Variants in MUC5B observed in about 807,000 individuals in gnomAD.
The protein encoded by MUC5B is mucin 5B, oligomeric mucus/gel-forming, also known as mucin-5B.
In MUC5B, 116 loss-of-function variants were observed where a neutral mutation model predicts 376.9. The observed-to-expected ratio is 0.31, with a 90% CI of 0.26 to 0.36. The LOEUF is 0.36. MUC5B is among the 10% of genes least tolerant of loss of function. The pLI, the probability that MUC5B is intolerant of heterozygous loss-of-function variation, is 1.00. For missense variants in MUC5B, 7,165 were observed against 7,769.9 expected (o/e 0.92, Z 2.93); for synonymous variants, 3,517 against 3,390.9 (o/e 1.04, Z -1.29).
chr11:1,231,757 A>G (rs367766278), intron 14 of MUC5B, among the ~76,000 whole-genome samples, 197 bp downstream of exon 14: 9 of 152,304 alleles, frequency 5.9e-5, no homozygotes, highest in African/African-American at 2.2e-4. Context: ...AGCTGGGAGG[A>G]TGGAGCGGGC....
At chr11:1,254,406 C>G in intron 34 of MUC5B, 55 bp downstream of exon 34, 1 of 1,582,118 alleles carries the variant, frequency 6.3e-7, no homozygotes. Flanking sequence ...CGCACCTGGG[C>G]AGGCCGACTG....
Position 1,246,681 on chromosome 11 carries a change from C to G in MUC5B, c.9801C>G (p.Pro3267=). The G allele has an allele frequency of 6.2e-7, 1 of 1,610,196 alleles. No individual in the cohort carries two copies. The highest frequency in any genetic ancestry group is 8.5e-7 in the Non-Finnish European group (1 of 1,177,194). The part of the protein sequence containing the change: ...TPTATMSTAT[P]SSTPETVHTS... ...CGGCCACCATGTCCACAGCCACACC[C>G]TCCTCTACTCCAGAGACTGTCCACA... The change falls in exon 31 of 49, where the codon CCC becomes CCG. Residue 3267 remains proline, a synonymous_variant. Transcript: ENST00000529681.
At chr11:1,230,360 G>A (rs1441404151) in intron 11 of MUC5B, 130 bp from the exon 12 acceptor site, 6 of 1,096,994 alleles carry the variant, frequency 5.5e-6, no homozygotes, top group Non-Finnish European at 6.5e-6. Context: ...CTGCTGGGAG[G>A]TGACCAGAGG....
intron 26 of MUC5B, 200 bp from the exon 27 acceptor site, chr11:1,239,238 T>C (rs986354124): frequency 1.1e-6 from 1 of 898,644 alleles, no homozygotes. Context: ...AGACAGCTCC[T>C]AGGGGACAAG....
chr11:1,251,591 G>A lies in MUC5B; in HGVS notation c.14711G>A (p.Arg4904His), dbSNP rs56353324. 1,089 of 1,612,580 alleles carry A rather than the reference G, an allele frequency of 6.8e-4. No homozygotes were observed. The highest frequency in any genetic ancestry group is 8.1e-4 in the Non-Finnish European group (955 of 1,179,620). ...VPSSSTVGTT[R>H]TPAVLPSSLP... ...AGCTCGTCCACCGTGGGGACCACCC[G>A]CACCCCTGCAGTGCTCCCCAGCAGC... Residue 4904 changes from arginine to histidine, a missense_variant, in exon 31 of 49, where the codon CGC becomes CAC. By Grantham distance (29) the Arg-to-His change is conservative. Transcript: ENST00000529681.
chr11:1,228,821 A>T (rs1590168699), intron 8 of MUC5B, 56 bp downstream of exon 8: 1 of 584,694 alleles, frequency 1.7e-6, no homozygotes, highest in Non-Finnish European at 2.2e-6. Context: ...GGGCAGGGGG[A>T]GCGCCTTGGG....
rs371116616 is a variant in MUC5B at position 1,236,369 on chromosome 11, G to A, written c.2881-17G>A. ...GGCCACAGGGTCGGCTTCCGGCAGCGTCTGCCTCCCCTGCAGAGCTACGAG... is the reference window on the plus strand; with the variant it reads ...GGCCACAGGGTCGGCTTCCGGCAGCATCTGCCTCCCCTGCAGAGCTACGAG... On this transcript the variant is annotated splice_polypyrimidine_tract_variant and intron_variant, in intron 23 of 48. Coordinates refer to ENST00000529681, the MANE Select transcript of MUC5B (RefSeq NM_002458.3). 7.8e-5 allele frequency: 125 copies of A among 1,593,560 alleles called. No individual in the cohort carries two copies. Among genetic ancestry groups the A allele is most frequent in the Admixed American group, 2.4e-4 (14 of 59,174 alleles).
rs56349170 is a variant in MUC5B at position 1,225,065 on chromosome 11, G to A, written c.71-616G>A. Among the ~76,000 whole-genome samples the A allele has an allele frequency of 2.6e-3, 402 of 152,280 alleles. 2 individuals are homozygous for A. Among genetic ancestry groups the A allele is most frequent in the Admixed American group, 5.1e-3 (78 of 15,304 alleles). ...CTTGCCCGGAGGCGGTGGTCAGCCT[G>A]GGGGACCTTGGGCGGCCATCCCAGT... is the stretch of plus-strand genomic sequence containing the variant. On this transcript the variant is annotated intron_variant, in intron 1 of 48. Transcript: ENST00000529681.
rs759341061 is a variant in MUC5B at position 1,257,703 on chromosome 11, G to A, written c.16443G>A (p.Thr5481=). ...PRAENPCCPE[T]VCVCNTTTCP... is the part of the protein sequence containing the mutation. ...CCGAGAACCCCTGCTGCCCCGAGAC[G>A]GTGTGCGGTAAGACGCTGCAGAGCA... Residue 5481 remains threonine, a synonymous_variant, in exon 41 of 49, where the codon ACG becomes ACA. Transcript: ENST00000529681. This position sits in a 1 kb window ranked among gnomAD's most constrained non-coding sequence, Gnocchi z 8.9. 9.6e-6 allele frequency: 15 copies of A among 1,554,634 alleles called. No individual in the cohort carries two copies. The highest frequency in any genetic ancestry group is 3.8e-5 in the Admixed American group (2 of 52,924).
chr11:1,254,623 A>G, intron 34 of MUC5B, 71 bp from the exon 35 acceptor site: 1 of 1,475,524 alleles, frequency 6.8e-7, no homozygotes, highest in Non-Finnish European at 9.2e-7. Flanking sequence ...GCAGAGCCCC[A>G]AAGAGAAGCC....
chr11:1,241,812 G>C lies in MUC5B; in HGVS notation c.4932G>C (p.Pro1644=). ...GCCCGGGGCTGACCAGGGCTCCCCC[G>C]GCCAGCACCACAGCAGTCCCCACCC... ...TSSPGLTRAP[P]ASTTAVPTLS... is the part of the protein sequence containing the mutation. The change falls in exon 31 of 49, where the codon CCG becomes CCC. Residue 1644 remains proline, a synonymous_variant. Transcript: ENST00000529681. The C allele has an allele frequency of 6.2e-7, 1 of 1,612,542 alleles. No individual in the cohort carries two copies. The highest frequency in any genetic ancestry group is 8.5e-7 in the Non-Finnish European group (1 of 1,179,352).
Position 1,257,232 on chromosome 11 carries a change from C to A in MUC5B, c.16238-8C>A, listed in dbSNP as rs753202153. On this transcript the variant is annotated splice_polypyrimidine_tract_variant and splice_region_variant and intron_variant, in intron 39 of 48. Coordinates refer to ENST00000529681, the MANE Select transcript of MUC5B (RefSeq NM_002458.3). This position sits in a 1 kb window ranked among gnomAD's most constrained non-coding sequence, Gnocchi z 8.9. Reference sequence around the variant, plus strand: ...ACCCTCCGTGATGCCATGCTGTTTTCTTTCCAGCCTGCGTGGGACCCGATG... The same window carrying A: ...ACCCTCCGTGATGCCATGCTGTTTTATTTCCAGCCTGCGTGGGACCCGATG... The A allele has an allele frequency of 1.3e-6, 1 of 779,788 alleles. No individual in the cohort carries two copies. Among genetic ancestry groups the A allele is most frequent in the Non-Finnish European group, 2.4e-6 (1 of 418,052 alleles). 48.3% of individuals were successfully genotyped at this position (779,788 alleles called of 1,614,324 possible).
intron 6 of MUC5B, 101 bp from the exon 7 acceptor site, chr11:1,227,574 C>A (rs1861917247): frequency 1.5e-6 from 1 of 676,058 alleles, no homozygotes; most frequent in African/African-American, 1.8e-5. Context: ...GGGCCCTAGG[C>A]AGGAGTGGGA....
intron 17 of MUC5B, 31 bp downstream of exon 17, chr11:1,232,801 C>A: frequency 6.4e-7 from 1 of 1,566,990 alleles, no homozygotes; most frequent in Non-Finnish European, 8.7e-7. Context: ...TGGGATGTGT[C>A]CACACCGCGT....
intron 25 of MUC5B, among the ~76,000 whole-genome samples, chr11:1,238,505 C>A (rs1862203001): frequency 6.6e-6 from 1 of 152,264 alleles, no homozygotes; most frequent in South Asian, 2.1e-4. Flanking sequence ...CTATGCTCCA[C>A]ATGGGTTTGA....
chr11:1,259,133 GC>G, intron 44 of MUC5B, 72 bp downstream of exon 44: 1 of 1,403,452 alleles, frequency 7.1e-7, no homozygotes, highest in Non-Finnish European at 9.6e-7. Context: ...CGAGGCACCT[GC>G]CCCCAGGTGA....
At chr11:1,225,629 G>T in intron 1 of MUC5B, 52 bp from the exon 2 acceptor site, 1 of 1,530,424 alleles carries the variant, frequency 6.5e-7, no homozygotes, top group Non-Finnish European at 8.9e-7. Flanking sequence ...TTGGGTTCGT[G>T]GCTGGCAGCC....
In MUC5B at chr11:1,243,005, C is replaced by G. The variant is rs776688432; in HGVS notation, c.6125C>G (p.Thr2042Ser). 6.3e-7 allele frequency: 1 copy of G among 1,595,216 alleles called. No individual in the cohort carries two copies. Among genetic ancestry groups the G allele is most frequent in the Non-Finnish European group, 8.6e-7 (1 of 1,166,446 alleles). The change falls in exon 31 of 49, where the codon ACC (threonine) becomes AGC (serine). Residue 2042 changes from threonine to serine, a missense_variant. Thr to Ser is a moderately conservative substitution (Grantham distance 58). Around this residue, in one of 31 missense-constraint regions of MUC5B, gnomAD observed 897 missense variants for 779.6 expected, o/e 1.15. Coordinates refer to ENST00000529681, the MANE Select transcript of MUC5B (RefSeq NM_002458.3). The stretch of plus-strand genomic sequence containing the variant: ...GGCTCTGTGGCCACCCCCTCCTCCA[C>G]CCCAGGAACAGCTCACACTACCAAA... Reference protein sequence around the residue: ...ATGSVATPSSTPGTAHTTKVP... With the variant: ...ATGSVATPSSSPGTAHTTKVP...
In MUC5B at chr11:1,229,236, AC is replaced by A; in HGVS notation, c.1048del (p.Gln350SerfsTer122). The A allele has an allele frequency of 6.3e-7, 1 of 1,596,996 alleles. No individual in the cohort carries two copies. The highest frequency in any genetic ancestry group is 1.1e-5 in the South Asian group (1 of 88,726). ...TCACCCTGCACGGACACCTGCTCCA[AC>A]CCCCAGCGCGCGCAGCTCTGCGAGG... ...CGSPCTDTCS[N>X]PQRAQLCEDH... On this transcript the variant is annotated frameshift_variant, in exon 9 of 49. Coordinates refer to ENST00000529681, the MANE Select transcript of MUC5B (RefSeq NM_002458.3). LOFTEE classifies it high-confidence loss of function.
Sources: allele counts gnomAD v4.1 joint callset (sites outside exome capture counted in the v4.1 genomes callset), GRCh38; gene constraint gnomAD v4.1.1; regional missense constraint gnomAD v4.1.1; non-coding constraint Gnocchi (gnomAD v3.1); transcripts MANE v1.5; gene names NCBI Gene and HGNC (gene_info 2026-07-23, HGNC 2026-07-21).